GRAP2: variants seen among roughly 807,000 people sequenced by gnomAD.
The protein encoded by GRAP2 is GRB2-related adapter protein 2.
Under a neutral mutation model 43.5 loss-of-function variants are expected in GRAP2, and 31 were observed. That is an observed-to-expected ratio of 0.71 (90% CI 0.54 to 0.96). The LOEUF (loss-of-function observed/expected upper bound fraction) is 0.96, where lower values mean the gene tolerates loss of function less well. GRAP2 is among the 40% of genes least tolerant of loss of function. The pLI is 0.00. For synonymous variants in GRAP2, 156 were observed against 164.8 expected (o/e 0.95, Z 0.41); for missense variants, 371 against 424.4 (o/e 0.87, Z 1.11).
At chr22:39,902,983 C>T (rs186790533) in intron 1 of GRAP2, among the ~76,000 whole-genome samples, 3 of 152,244 alleles carry the variant, frequency 2.0e-5, no homozygotes, top group Non-Finnish European at 2.9e-5. Context: ...CTATTGCTTC[C>T]TAGAAGAGCT....
At chr22:39,923,809 T>G (rs2066674423) in intron 1 of GRAP2, among the ~76,000 whole-genome samples, 1 of 152,236 alleles carries the variant, frequency 6.6e-6, no homozygotes, top group South Asian at 2.1e-4. Flanking sequence ...TCTGGGAAAG[T>G]CACAGCTGCC....
chr22:39,924,766 C>A (rs953475434), intron 1 of GRAP2, among the ~76,000 whole-genome samples: 3 of 152,062 alleles, frequency 2.0e-5, no homozygotes, highest in African/African-American at 7.2e-5. Context: ...GTGAGCAGGA[C>A]AATGTGCTAA....
intron 1 of GRAP2, among the ~76,000 whole-genome samples, chr22:39,924,981 A>C (rs1185709697): frequency 6.6e-6 from 1 of 152,232 alleles, no homozygotes; most frequent in African/African-American, 2.4e-5. Flanking sequence ...CTGGACCTGA[A>C]GAGTCAGGAG....
chr22:39,960,273 C>A, intron 4 of GRAP2, 99 bp downstream of exon 4: 1 of 1,198,278 alleles, frequency 8.3e-7, no homozygotes, highest in South Asian at 1.3e-5. Context: ...ACCCAATGGT[C>A]AGAAGCATGG....
At chr22:39,916,694 C>T (rs2066605294) in intron 1 of GRAP2, among the ~76,000 whole-genome samples, 2 of 152,220 alleles carry the variant, frequency 1.3e-5, no homozygotes, top group Admixed American at 6.5e-5. Flanking sequence ...TCACACAATG[C>T]CAGGTCACAT....
At position 39,907,221 on chromosome 22, in the gene GRAP2, G is replaced by A. The variant is rs1056798734; in HGVS notation, c.-15+5891G>A. On this transcript the variant is annotated intron_variant, in intron 1 of 7. Coordinates refer to ENST00000344138, the MANE Select transcript of GRAP2 (RefSeq NM_004810.4). ...AGGTTCTTACTGGCAGTGGTGGGGT[G>A]GGTGGGGGAAGGGGAGTGTCACAGA... Among the ~76,000 whole-genome samples, 6 of 152,230 alleles carry A rather than the reference G, an allele frequency of 3.9e-5. No individual in the cohort carries two copies. The East Asian group carries it at 9.7e-4, about 25-fold the overall frequency.
chr22:39,943,720 CT>C (rs531038576), intron 1 of GRAP2, among the ~76,000 whole-genome samples: 4,344 of 134,056 alleles, frequency 0.032, 70 homozygotes, highest in Middle Eastern at 0.047. Flanking sequence ...TCTTTTCTTT[CT>C]TTTTTTTTTT....
At chr22:39,911,879 CAG>C (rs2066569900) in intron 1 of GRAP2, among the ~76,000 whole-genome samples, 1 of 152,192 alleles carries the variant, frequency 6.6e-6, no homozygotes, top group South Asian at 2.1e-4. Context: ...CCTATTGAAT[CAG>C]AATCTAAACT....
chr22:39,895,716 T>C, the GRAP2 span, among the ~76,000 whole-genome samples: 5 of 152,230 alleles, frequency 3.3e-5, no homozygotes, highest in African/African-American at 1.2e-4. Context: ...TGCCAAGCAC[T>C]ATGCTGAGCT....
intron 1 of GRAP2, 91 bp from the exon 2 acceptor site, chr22:39,947,002 C>G: frequency 2.5e-6 from 2 of 792,900 alleles, no homozygotes; most frequent in Admixed American, 3.5e-5. Flanking sequence ...TGCCCACTCT[C>G]CTAGGAACTG....
rs184032659 is a variant in GRAP2, at chr22:39,901,823, G to A, written c.-15+493G>A. Among the ~76,000 whole-genome samples, 339 of 152,252 alleles carry A rather than the reference G, an allele frequency of 2.2e-3. 2 individuals are homozygous for A. Among genetic ancestry groups the A allele is most frequent in the Non-Finnish European group, 3.2e-3 (215 of 68,010 alleles). On this transcript the variant is annotated intron_variant, in intron 1 of 7. Transcript: ENST00000344138. Reference sequence around the variant, plus strand: ...AGGACACCAGTTTTCATTCCTTTACGAAAAGAAAACTTTATGTTGAAGTGT... The same window carrying A: ...AGGACACCAGTTTTCATTCCTTTACAAAAAGAAAACTTTATGTTGAAGTGT...
chr22:39,920,923 G>A lies in GRAP2; in HGVS notation c.-15+19593G>A, dbSNP rs370684962. Among the ~76,000 whole-genome samples, 47 of 146,206 alleles carry A rather than the reference G, an allele frequency of 3.2e-4. 1 individual carries two copies. The South Asian group carries it at 9.2e-3, about 29-fold the overall frequency. ...CCAGAATAAAGAATACAAAAAATGG[G>A]TATTTAACTTCTCTACACAGACACA... On this transcript the variant is annotated intron_variant, in intron 1 of 7. Coordinates refer to ENST00000344138, the MANE Select transcript of GRAP2 (RefSeq NM_004810.4).
intron 1 of GRAP2, among the ~76,000 whole-genome samples, chr22:39,934,606 C>T (rs1053284684): frequency 1.3e-5 from 2 of 152,090 alleles, no homozygotes; most frequent in Admixed American, 6.5e-5. Flanking sequence ...AATGTGAAGC[C>T]CTGCATTTTG....
intron 1 of GRAP2, among the ~76,000 whole-genome samples, chr22:39,928,104 A>C (rs898763096): frequency 6.6e-6 from 1 of 151,896 alleles, no homozygotes; most frequent in East Asian, 1.9e-4. Context: ...TCGAGGCCAA[A>C]CTCCTTTCAC....
At chr22:39,896,477 G>A (rs1214990872), upstream of GRAP2, among the ~76,000 whole-genome samples, 1 of 152,114 alleles carries the variant, frequency 6.6e-6, no homozygotes, top group African/African-American at 2.4e-5. Flanking sequence ...GGAAAGCTGG[G>A]GAATTCTGCT....
chr22:39,959,419 G>A (rs1359080981), intron 3 of GRAP2, among the ~76,000 whole-genome samples: 1 of 152,222 alleles, frequency 6.6e-6, no homozygotes, highest in South Asian at 2.1e-4. Context: ...CTCTCTGGCG[G>A]CTGCCAGCCT....
chr22:39,961,672 G>T (rs2067121328), intron 4 of GRAP2, among the ~76,000 whole-genome samples: 2 of 152,190 alleles, frequency 1.3e-5, no homozygotes, highest in Admixed American at 1.3e-4. Context: ...AGGATCGCAA[G>T]TCACGTATCA....
At chr22:39,946,313 C>T (rs2145635072) in intron 1 of GRAP2, among the ~76,000 whole-genome samples, 1 of 152,306 alleles carries the variant, frequency 6.6e-6, no homozygotes, top group Admixed American at 6.5e-5. Flanking sequence ...AGCCAGCTGT[C>T]TTACCATTAC....
intron 5 of GRAP2, among the ~76,000 whole-genome samples, chr22:39,967,806 T>G (rs1159332521): frequency 6.6e-6 from 1 of 151,994 alleles, no homozygotes; most frequent in Non-Finnish European, 1.5e-5. Context: ...AGGCAAAAAG[T>G]GTTAGTCTGT....
Sources: allele counts gnomAD v4.1 joint callset (sites outside exome capture counted in the v4.1 genomes callset), GRCh38; gene constraint gnomAD v4.1.1; transcripts MANE v1.5; gene names NCBI Gene and HGNC (gene_info 2026-07-23, HGNC 2026-07-21).